The following ZNF81 variants were observed in gnomAD, a reference collection of about 807,000 sequenced individuals.
ZNF81 encodes the protein zinc finger protein 81 (HFZ20).
A neutral mutation model predicts 32.3 loss-of-function variants in ZNF81; 5 were observed. That is an observed-to-expected ratio of 0.15 (90% confidence interval 0.08 to 0.33). ZNF81 has a LOEUF of 0.33. Among genes scored for constraint, ZNF81 ranks in the 10% least tolerant of loss-of-function variants. The pLI is 1.00. For synonymous variants in ZNF81, 163 were observed against 166.8 expected (o/e 0.98, Z 0.17); for missense variants, 379 against 479.8 (o/e 0.79, Z 1.96).
chrX:47,922,809 G>T lies in ZNF81; in HGVS notation c.*6177G>T, dbSNP rs1353778185. The stretch of plus-strand genomic sequence containing the variant: ...AGATCCGAATCACGGTGTCAGCAGG[G>T]TCATGCTCCCTCTGAAGGTGCTAGG... On this transcript the variant is annotated 3_prime_UTR_variant, in exon 5 of 5. Transcript: ENST00000338637. Among the ~76,000 whole-genome samples, 2 of 111,694 alleles carry T rather than the reference G, an allele frequency of 1.8e-5. No homozygotes were observed. The highest frequency in any genetic ancestry group is 3.8e-5 in the Non-Finnish European group (2 of 53,135).
At chrX:47,891,026 G>T (rs1404232554) in intron 3 of ZNF81, among the ~76,000 whole-genome samples, 1 of 111,843 alleles carries the variant, frequency 8.9e-6, no homozygotes, top group Non-Finnish European at 1.9e-5. Flanking sequence ...TTAGTGTCAT[G>T]GACCAGTGTG....
intron 2 of ZNF81, chrX:47,861,004 G>A (rs1477950062): frequency 8.9e-6 from 1 of 112,241 alleles, no homozygotes; most frequent in African/African-American, 3.2e-5. Flanking sequence ...GTTCATCTGT[G>A]TCTTTTGTAA....
In ZNF81 at chrX:47,872,006, G is replaced by A. The variant is rs782005507; in HGVS notation, c.55-15993G>A. 1.2e-4 allele frequency among the ~76,000 whole-genome samples: 13 copies of A among 112,399 alleles called. 1 individual carries two copies. The highest frequency in any genetic ancestry group is 5.6e-4 in the East Asian group (2 of 3,561). Reference sequence around the variant, plus strand: ...CCAAAGCTAGGGGAGAGACCATAGCGAATCTTAGTTATTCAAAAGCCTCTT... The same window carrying A: ...CCAAAGCTAGGGGAGAGACCATAGCAAATCTTAGTTATTCAAAAGCCTCTT... On this transcript the variant is annotated intron_variant, in intron 2 of 4. Coordinates refer to ENST00000338637, the MANE Select transcript of ZNF81 (RefSeq NM_007137.5).
chrX:47,888,366 G>GCA (rs1314205019), intron 3 of ZNF81, among the ~76,000 whole-genome samples: 6 of 109,188 alleles, frequency 5.5e-5, no homozygotes, highest in Non-Finnish European at 1.1e-4. Context: ...ACATACGCAC[G>GCA]CACACACACA....
At position 47,915,804 on chromosome X, in the gene ZNF81, T is replaced by C. The variant is rs2058754787; in HGVS notation, c.1158T>C (p.Phe386=). 4.1e-6 allele frequency: 5 copies of C among 1,211,393 alleles called. No homozygotes were observed. Among genetic ancestry groups the C allele is most frequent in the Non-Finnish European group, 5.6e-6 (5 of 895,419 alleles). ...HQTTHTGEKL[F]ECSECGKGFS... ...CAACTCATACTGGAGAAAAACTCTTTGAATGCAGTGAATGTGGTAAAGGCT... is the reference window on the plus strand; with the variant it reads ...CAACTCATACTGGAGAAAAACTCTTCGAATGCAGTGAATGTGGTAAAGGCT... Residue 386 remains phenylalanine (F), a synonymous_variant, in exon 5 of 5, where the codon TTT becomes TTC. Transcript: ENST00000338637.
In ZNF81 at chrX:47,923,924, C is replaced by T. The variant is rs1274476392; in HGVS notation, c.*7292C>T. The stretch of plus-strand genomic sequence containing the variant: ...TCCAGCCCTTCTTTCCATCTTCCAG[C>T]CCTGCTGACCAACAGTAGCCCCAGG... On this transcript the variant is annotated 3_prime_UTR_variant, in exon 5 of 5. Coordinates refer to ENST00000338637, the MANE Select transcript of ZNF81 (RefSeq NM_007137.5). 9.0e-6 allele frequency among the ~76,000 whole-genome samples: 1 copy of T among 111,563 alleles called. No homozygotes were observed. Among genetic ancestry groups the T allele is most frequent in the Non-Finnish European group, 1.9e-5 (1 of 53,130 alleles).
intron 2 of ZNF81, among the ~76,000 whole-genome samples, chrX:47,869,521 T>C (rs1374635330): frequency 8.9e-6 from 1 of 112,012 alleles, no homozygotes; most frequent in Non-Finnish European, 1.9e-5. Context: ...AGCAAGGCAG[T>C]CTCTGAGGAT....
At chrX:47,841,489 T>G in intron 1 of ZNF81, 1 of 1,030,715 alleles carries the variant, frequency 9.7e-7, no homozygotes. Flanking sequence ...TCACTTCTAG[T>G]CGTCTGAGAC....
chrX:47,883,427 CT>C (rs1433088151), intron 2 of ZNF81, among the ~76,000 whole-genome samples: 2 of 112,257 alleles, frequency 1.8e-5, no homozygotes, highest in Non-Finnish European at 3.8e-5. Context: ...TGAAGATTTT[CT>C]TTTATGGCTG....
chrX:47,874,833 T>C (rs952766476), intron 2 of ZNF81, among the ~76,000 whole-genome samples: 2 of 112,131 alleles, frequency 1.8e-5, no homozygotes, highest in East Asian at 2.8e-4. Flanking sequence ...TCTCAGTTAT[T>C]CCCTGATGAT....
At chrX:47,862,364 C>CA (rs1230938120) in intron 2 of ZNF81, among the ~76,000 whole-genome samples, 21 of 107,063 alleles carry the variant, frequency 2.0e-4, no homozygotes, top group Middle Eastern at 9.6e-3. Context: ...ACTAAAAATA[C>CA]AAAAAAAAAT....
Position 47,919,329 on chromosome X carries a change from C to T in ZNF81, c.*2697C>T, listed in dbSNP as rs1302822930. On this transcript the variant is annotated 3_prime_UTR_variant, in exon 5 of 5. Coordinates refer to ENST00000338637, the MANE Select transcript of ZNF81 (RefSeq NM_007137.5). Reference sequence around the variant, plus strand: ...AATTCACTGATGTTTTTTCTCTCACCCTGGCTTTGTCAAGTCTACTGCTGA... The same window carrying T: ...AATTCACTGATGTTTTTTCTCTCACTCTGGCTTTGTCAAGTCTACTGCTGA... The T allele has an allele frequency of 3.0e-5, 8 of 268,015 alleles. No homozygotes were observed. The highest frequency in any genetic ancestry group is 7.3e-6 in the Non-Finnish European group (1 of 137,680). The allele number at this position is 268,015 out of a possible 1,213,427, so 22.1% of individuals were successfully genotyped here.
Position 47,917,746 on chromosome X carries a change from T to G in ZNF81, c.*1114T>G, listed in dbSNP as rs781805070. The stretch of plus-strand genomic sequence containing the variant: ...AGTTATTCCAGCTGATTTACAGAAT[T>G]GTGAGATAAATAAAATGATGATAGT... On this transcript the variant is annotated 3_prime_UTR_variant, in exon 5 of 5. Transcript: ENST00000338637. 2 of 118,043 alleles carry G rather than the reference T, an allele frequency of 1.7e-5. No homozygotes were observed. Among genetic ancestry groups the G allele is most frequent in the African/African-American group, 6.4e-5 (2 of 31,058 alleles). 9.7% of individuals were successfully genotyped at this position (118,043 alleles called of 1,213,427 possible).
chrX:47,901,748 T>C (rs5905636), intron 4 of ZNF81, among the ~76,000 whole-genome samples: 38,966 of 99,386 alleles, frequency 0.39, 5,468 homozygotes, highest in South Asian at 0.48. Context: ...GAGAGATTGG[T>C]CTTTAGTTTT....
At chrX:47,897,479 C>T (rs1556887395) in intron 4 of ZNF81, among the ~76,000 whole-genome samples, 1 of 111,656 alleles carries the variant, frequency 9.0e-6, no homozygotes, top group Non-Finnish European at 1.9e-5. Context: ...ATATGTATTG[C>T]TAATATTTTG....
rs1556891042 is a variant in ZNF81, at chrX:47,916,900, G to A, written c.*268G>A. ...TTGTCAGTTTGGTGTGTTAGGAAAA[G>A]CCTTCCTATAGAAAGTATTATAAGT... On this transcript the variant is annotated 3_prime_UTR_variant, in exon 5 of 5. Coordinates refer to ENST00000338637, the MANE Select transcript of ZNF81 (RefSeq NM_007137.5). The A allele has an allele frequency of 1.0e-5, 3 of 299,073 alleles. No homozygotes were observed. Among genetic ancestry groups the A allele is most frequent in the Non-Finnish European group, 1.7e-5 (3 of 172,759 alleles). 24.6% of individuals were successfully genotyped at this position (299,073 alleles called of 1,213,427 possible). A position where few individuals can be genotyped will look rare whatever the true frequency, so the allele number is the denominator to read the frequency against.
At chrX:47,887,442 A>G (rs1556885917) in intron 2 of ZNF81, among the ~76,000 whole-genome samples, 4 of 112,154 alleles carry the variant, frequency 3.6e-5, no homozygotes, top group Non-Finnish European at 3.8e-5. Flanking sequence ...TTACAGAACA[A>G]TACAGCCATC....
rs2058768041 is a variant in ZNF81, at chrX:47,919,264, T to C, written c.*2632T>C. On this transcript the variant is annotated 3_prime_UTR_variant, in exon 5 of 5. Transcript: ENST00000338637. ...GTCCTTCTTCAGTCTTTATTTCTCT[T>C]TGTGTTTCAGTTAGGATAATTTCTA... is the stretch of plus-strand genomic sequence containing the variant. 3.1e-6 allele frequency: 1 copy of C among 322,947 alleles called. No individual in the cohort carries two copies. Among genetic ancestry groups the C allele is most frequent in the Non-Finnish European group, 6.0e-6 (1 of 166,363 alleles). 26.6% of individuals were successfully genotyped at this position (322,947 alleles called of 1,213,427 possible).
At chrX:47,869,637 A>G (rs1358648360) in intron 2 of ZNF81, among the ~76,000 whole-genome samples, 1 of 111,621 alleles carries the variant, frequency 9.0e-6, no homozygotes, top group Non-Finnish European at 1.9e-5. Context: ...TGCTGGCTTC[A>G]CAAGGAAAGC....
Sources: gnomAD v4.1 joint callset for allele counts (sites outside exome capture counted in the v4.1 genomes callset) on GRCh38, gnomAD v4.1.1 for gene constraint, MANE v1.5 for transcripts, NCBI Gene and HGNC (gene_info 2026-07-23, HGNC 2026-07-21) for gene names.